CNTNAP5: variants seen among roughly 807,000 people sequenced by gnomAD.
CNTNAP5 encodes contactin-associated protein-like 5.
Under a neutral mutation model 150.2 loss-of-function variants are expected in CNTNAP5, and 72 were observed. That is an observed-to-expected ratio of 0.48 (90% confidence interval 0.40 to 0.58). CNTNAP5 has a LOEUF of 0.58. Among genes scored for constraint, CNTNAP5 ranks in the 20% least tolerant of loss-of-function variants. The pLI, the probability that CNTNAP5 is intolerant of heterozygous loss-of-function variation, is 0.00. For missense variants in CNTNAP5, 1,636 were observed against 1,626.2 expected (o/e 1.01, Z -0.10); for synonymous variants, 672 against 619.8 (o/e 1.08, Z -1.25).
intron 1 of CNTNAP5, among the ~76,000 whole-genome samples, chr2:124,113,137 T>A (rs542691733): frequency 4.6e-5 from 7 of 152,254 alleles, no homozygotes; most frequent in Non-Finnish European, 8.8e-5. Context: ...GGCTCAACAA[T>A]TCCACTTCTA....
At chr2:124,328,476 C>T (rs1224464511) in intron 3 of CNTNAP5, among the ~76,000 whole-genome samples, 1 of 152,114 alleles carries the variant, frequency 6.6e-6, no homozygotes, top group African/African-American at 2.4e-5. Flanking sequence ...TTTTTGTCCC[C>T]TAAATTAGTT....
At chr2:124,888,814 T>G (rs1678133906) in intron 21 of CNTNAP5, among the ~76,000 whole-genome samples, 1 of 152,086 alleles carries the variant, frequency 6.6e-6, no homozygotes, top group Non-Finnish European at 1.5e-5. Flanking sequence ...GCTTGCTGAT[T>G]TAAGTTTCTT....
intron 1 of CNTNAP5, among the ~76,000 whole-genome samples, chr2:124,152,015 G>A (rs1030634587): frequency 3.3e-5 from 5 of 152,140 alleles, no homozygotes; most frequent in African/African-American, 4.8e-5. Context: ...ACATTAACAC[G>A]CACTTGCCAT....
intron 11 of CNTNAP5, among the ~76,000 whole-genome samples, chr2:124,567,561 C>T (rs1054294536): frequency 4.1e-4 from 63 of 152,246 alleles, no homozygotes; most frequent in African/African-American, 1.3e-3. Context: ...GTATCCTATT[C>T]TCCACAGGAG....
intron 16 of CNTNAP5, among the ~76,000 whole-genome samples, chr2:124,772,227 A>G (rs939814710): frequency 6.6e-6 from 1 of 152,218 alleles, no homozygotes; most frequent in African/African-American, 2.4e-5. Context: ...GAGAGGCAGA[A>G]AGAATAATGG....
intron 2 of CNTNAP5, among the ~76,000 whole-genome samples, chr2:124,236,316 G>T (rs1478332329): frequency 3.9e-5 from 6 of 152,148 alleles, no homozygotes; most frequent in Non-Finnish European, 7.3e-5. Context: ...AACTGGAAGT[G>T]CAGGAGGCGT....
At chr2:124,660,499 G>C (rs1290773682) in intron 13 of CNTNAP5, among the ~76,000 whole-genome samples, 1 of 152,042 alleles carries the variant, frequency 6.6e-6, no homozygotes, top group Admixed American at 6.6e-5. Flanking sequence ...AATATAAAAA[G>C]AAATAGGTGA....
At chr2:124,798,035 G>T in intron 18 of CNTNAP5, 61 bp from the exon 19 acceptor site, 1 of 1,312,024 alleles carries the variant, frequency 7.6e-7, no homozygotes, top group Non-Finnish European at 1.1e-6. Flanking sequence ...AGCAGCTAAG[G>T]TTAGCTTGAA....
intron 3 of CNTNAP5, among the ~76,000 whole-genome samples, chr2:124,309,211 G>A (rs192795101): frequency 5.9e-5 from 9 of 152,260 alleles, no homozygotes; most frequent in African/African-American, 1.9e-4. Context: ...TTGCTGTACT[G>A]TACTAACCTA....
In CNTNAP5 at chr2:124,407,331, T is replaced by C. The variant is rs867288995; in HGVS notation, c.382-10112T>C. Among the ~76,000 whole-genome samples the C allele has an allele frequency of 1.2e-4, 18 of 152,330 alleles. 1 individual carries two copies. Among genetic ancestry groups the C allele is most frequent in the Middle Eastern group, 3.4e-3 (1 of 294 alleles). On this transcript the variant is annotated intron_variant, in intron 3 of 23. Transcript: ENST00000682447. Reference sequence around the variant, plus strand: ...GCTAATAAATTATTTATTTTGTTCATGGAACTGTTTCTTTTCCTTCATATT... The same window carrying C: ...GCTAATAAATTATTTATTTTGTTCACGGAACTGTTTCTTTTCCTTCATATT...
chr2:124,594,191 T>G (rs1295892086), intron 11 of CNTNAP5, among the ~76,000 whole-genome samples: 1 of 130,764 alleles, frequency 7.6e-6, no homozygotes, highest in Admixed American at 8.3e-5. Context: ...TTTTGGTGTT[T>G]TGGACATGAA....
intron 1 of CNTNAP5, among the ~76,000 whole-genome samples, chr2:124,176,350 G>C (rs1030340771): frequency 1.3e-5 from 2 of 152,180 alleles, no homozygotes. Flanking sequence ...ATGAAAGATT[G>C]TCAAAGTAGG....
chr2:124,783,256 A>C (rs1385955820), intron 17 of CNTNAP5, among the ~76,000 whole-genome samples: 1 of 152,188 alleles, frequency 6.6e-6, no homozygotes, highest in Non-Finnish European at 1.5e-5. Context: ...GAACACAAGA[A>C]ACAATAAAAC....
chr2:124,803,923 C>T (rs966104999), intron 19 of CNTNAP5, among the ~76,000 whole-genome samples: 1 of 152,114 alleles, frequency 6.6e-6, no homozygotes, highest in Non-Finnish European at 1.5e-5. Context: ...CCAGCATATG[C>T]TTGATTTCCT....
intron 13 of CNTNAP5, among the ~76,000 whole-genome samples, chr2:124,731,978 G>T (rs1038417258): frequency 6.6e-6 from 1 of 151,954 alleles, no homozygotes; most frequent in African/African-American, 2.4e-5. Flanking sequence ...AGGTCTCTTT[G>T]TTCATCATTT....
chr2:124,176,696 A>T (rs1445946131), intron 1 of CNTNAP5, among the ~76,000 whole-genome samples: 1 of 152,074 alleles, frequency 6.6e-6, no homozygotes, highest in Non-Finnish European at 1.5e-5. Context: ...AGAGGGAAAA[A>T]CAGACAAGCA....
chr2:124,560,860 A>C (rs1240485732), intron 10 of CNTNAP5, among the ~76,000 whole-genome samples: 1 of 152,012 alleles, frequency 6.6e-6, no homozygotes, highest in Non-Finnish European at 1.5e-5. Context: ...ACTGCAGACA[A>C]ATTTTCTTGT....
At chr2:124,197,935 C>T (rs371878698) in intron 1 of CNTNAP5, among the ~76,000 whole-genome samples, 1 of 151,372 alleles carries the variant, frequency 6.6e-6, no homozygotes, top group African/African-American at 2.4e-5. Flanking sequence ...GAGCTGAGAT[C>T]GCGCCACTGC....
chr2:124,817,966 G>A (rs1388078444), intron 19 of CNTNAP5, among the ~76,000 whole-genome samples: 2 of 152,110 alleles, frequency 1.3e-5, no homozygotes, highest in Non-Finnish European at 2.9e-5. Context: ...TCTAGACAAC[G>A]TTAGCCACCG....
Sources: allele counts gnomAD v4.1 joint callset (sites outside exome capture counted in the v4.1 genomes callset), GRCh38; gene constraint gnomAD v4.1.1; transcripts MANE v1.5; gene names NCBI Gene and HGNC (gene_info 2026-07-23, HGNC 2026-07-21).